Variants in PHF20 observed in about 807,000 individuals in gnomAD.
The protein encoded by PHF20 is glioma-expressed antigen 2.
A neutral mutation model predicts 113.5 loss-of-function variants in PHF20; 23 were observed. The observed-to-expected ratio is 0.20, with a 90% confidence interval of 0.15 to 0.29. PHF20 has a LOEUF of 0.29. Among genes scored for constraint, PHF20 ranks in the 10% least tolerant of loss-of-function variants. The pLI, the probability that PHF20 is intolerant of heterozygous loss-of-function variation, is 1.00. For missense variants in PHF20, 943 were observed against 1,219.6 expected (o/e 0.77, Z 3.38); for synonymous variants, 434 against 457.3 (o/e 0.95, Z 0.65).
At chr20:35,863,816 A>G (rs2054263350) in intron 6 of PHF20, among the ~76,000 whole-genome samples, 2 of 152,178 alleles carry the variant, frequency 1.3e-5, no homozygotes, top group Non-Finnish European at 1.5e-5. Context: ...TCTGAAGGAG[A>G]TGGGGACAAA....
At chr20:35,814,250 G>T (rs974430322) in intron 2 of PHF20, among the ~76,000 whole-genome samples, 1 of 151,476 alleles carries the variant, frequency 6.6e-6, no homozygotes, top group African/African-American at 2.4e-5. Flanking sequence ...GATAGTCTTG[G>T]TCTGTCTCCC....
intron 15 of PHF20, among the ~76,000 whole-genome samples, chr20:35,931,674 C>T (rs545172321): frequency 6.6e-6 from 1 of 151,914 alleles, no homozygotes; most frequent in African/African-American, 2.4e-5. Context: ...TCATTGAGGC[C>T]GGGCATGGTG....
At chr20:35,900,524 T>A (rs1281181022) in intron 10 of PHF20, among the ~76,000 whole-genome samples, 1 of 152,106 alleles carries the variant, frequency 6.6e-6, no homozygotes, top group Non-Finnish European at 1.5e-5. Flanking sequence ...TTGTATGTGC[T>A]GTATTATCCA....
chr20:35,797,838 G>C (rs191653316), intron 1 of PHF20, among the ~76,000 whole-genome samples: 1 of 151,698 alleles, frequency 6.6e-6, no homozygotes, highest in Non-Finnish European at 1.5e-5. Context: ...TTTTAGTAGA[G>C]ACGGGGTTTC....
intron 9 of PHF20, among the ~76,000 whole-genome samples, chr20:35,896,783 G>A (rs538978604): frequency 1.3e-4 from 19 of 141,764 alleles, no homozygotes; most frequent in Non-Finnish European, 2.7e-4. Flanking sequence ...CCTGGACAAA[G>A]AGCAAGACTC....
intron 11 of PHF20, 121 bp downstream of exon 11, chr20:35,913,468 C>A: frequency 1.4e-6 from 1 of 733,170 alleles, no homozygotes; most frequent in East Asian, 2.5e-5. Context: ...AGTCTCTTAC[C>A]AGGGCTTGTG....
chr20:35,822,755 A>G (rs1429909988), intron 2 of PHF20, among the ~76,000 whole-genome samples: 2 of 147,846 alleles, frequency 1.4e-5, no homozygotes, highest in African/African-American at 2.5e-5. Flanking sequence ...GGAGGATCGC[A>G]TGAGCCCAGG....
chr20:35,921,717 A>G (rs2055518988), intron 13 of PHF20, among the ~76,000 whole-genome samples: 1 of 151,564 alleles, frequency 6.6e-6, no homozygotes. Context: ...AAAGAAAAAA[A>G]ATGTTATATA....
At chr20:35,890,452 T>C (rs1386911480) in intron 9 of PHF20, among the ~76,000 whole-genome samples, 2 of 152,250 alleles carry the variant, frequency 1.3e-5, no homozygotes, top group African/African-American at 4.8e-5. Flanking sequence ...ATGTTAGAAT[T>C]TTGCAGATTG....
intron 5 of PHF20, among the ~76,000 whole-genome samples, chr20:35,860,105 C>T (rs773613999): frequency 1.3e-5 from 2 of 151,950 alleles, no homozygotes; most frequent in Non-Finnish European, 2.9e-5. Flanking sequence ...TTTTAGTAGA[C>T]GGGGTTTCAC....
At chr20:35,910,003 G>T (rs965185682) in intron 10 of PHF20, among the ~76,000 whole-genome samples, 1 of 152,192 alleles carries the variant, frequency 6.6e-6, no homozygotes, top group Admixed American at 6.5e-5. Context: ...AGATATTTGT[G>T]GTTTCCTTGC....
At chr20:35,797,058 C>T (rs1361906014) in intron 1 of PHF20, among the ~76,000 whole-genome samples, 1 of 151,794 alleles carries the variant, frequency 6.6e-6, no homozygotes, top group African/African-American at 2.4e-5. Context: ...ACCAAGTTGC[C>T]CAGGCTGGTC....
rs1170707409 is a variant in PHF20, at chr20:35,804,587, G to T, written c.83+2982G>T. 2.0e-5 allele frequency among the ~76,000 whole-genome samples: 3 copies of T among 151,778 alleles called. No homozygotes were observed. In the East Asian group the frequency reaches 5.8e-4, roughly 29 times the overall value. Reference sequence around the variant, plus strand: ...GGGTTTCGCCATTTTGGCCAGGCTGGTCTCAAATTTGTGACCTCAGGTGAT... The same window carrying T: ...GGGTTTCGCCATTTTGGCCAGGCTGTTCTCAAATTTGTGACCTCAGGTGAT... On this transcript the variant is annotated intron_variant, in intron 2 of 17. Transcript: ENST00000374012.
intron 2 of PHF20, chr20:35,801,806 G>A (rs1346183940): frequency 2.1e-5 from 9 of 428,380 alleles, no homozygotes; most frequent in Non-Finnish European, 3.8e-5. Flanking sequence ...GTATATATTT[G>A]TTTCCCCCTT....
intron 2 of PHF20, among the ~76,000 whole-genome samples, chr20:35,817,303 C>T (rs1048013857): frequency 2.0e-5 from 3 of 152,098 alleles, no homozygotes. Flanking sequence ...TCTCTTGCCT[C>T]AGCCTCCCAA....
chr20:35,944,169 A>G (rs944826788), intron 17 of PHF20, among the ~76,000 whole-genome samples: 1 of 152,306 alleles, frequency 6.6e-6, no homozygotes, highest in African/African-American at 2.4e-5. Context: ...ATGGTGCAGC[A>G]CATGGTATGG....
At chr20:35,808,045 G>A (rs1025741867) in intron 2 of PHF20, among the ~76,000 whole-genome samples, 1 of 152,072 alleles carries the variant, frequency 6.6e-6, no homozygotes, top group Admixed American at 6.6e-5. Context: ...AAGCAAAAGC[G>A]GCCATGTGTA....
At chr20:35,806,825 T>C (rs565722014) in intron 2 of PHF20, among the ~76,000 whole-genome samples, 1 of 149,648 alleles carries the variant, frequency 6.7e-6, no homozygotes, top group South Asian at 2.1e-4. Context: ...AGACGGAATC[T>C]TGCTCAGTCG....
chr20:35,791,641 A>T (rs997053335), intron 1 of PHF20, among the ~76,000 whole-genome samples: 1 of 151,300 alleles, frequency 6.6e-6, no homozygotes, highest in African/African-American at 2.4e-5. Context: ...ATCTCATGAG[A>T]CAGTATTGAT....
Sources: allele counts gnomAD v4.1 joint callset (sites outside exome capture counted in the v4.1 genomes callset), GRCh38; gene constraint gnomAD v4.1.1; transcripts MANE v1.5; gene names NCBI Gene and HGNC (gene_info 2026-07-23, HGNC 2026-07-21).